Variants in KCNK2 observed in about 807,000 individuals in gnomAD.
The protein encoded by KCNK2 is potassium channel subfamily K member 2.
Under a neutral mutation model 40.5 loss-of-function variants are expected in KCNK2, and 21 were observed. The observed-to-expected ratio is 0.52, with a 90% CI of 0.37 to 0.75. The LOEUF is 0.75. Among genes scored for constraint, KCNK2 ranks in the 30% least tolerant of loss-of-function variants. The pLI is 0.00. For synonymous variants in KCNK2, 191 were observed against 202.2 expected (o/e 0.94, Z 0.47); for missense variants, 399 against 531.6 (o/e 0.75, Z 2.45).
At chr1:215,054,596 A>G (rs1225063678) in intron 1 of KCNK2, among the ~76,000 whole-genome samples, 4 of 152,222 alleles carry the variant, frequency 2.6e-5, no homozygotes, top group African/African-American at 7.2e-5. Context: ...GAAAGCACCA[A>G]CCGTGAGTTA....
chr1:215,169,894 T>C (rs757348517), intron 4 of KCNK2, among the ~76,000 whole-genome samples: 7 of 152,090 alleles, frequency 4.6e-5, no homozygotes, highest in African/African-American at 7.2e-5. Context: ...GATCTGCCCA[T>C]CTTGGGCTCC....
intron 2 of KCNK2, among the ~76,000 whole-genome samples, chr1:215,104,274 G>A (rs1660340911): frequency 1.3e-5 from 2 of 151,948 alleles, no homozygotes; most frequent in African/African-American, 4.8e-5. Flanking sequence ...AACAAACACC[G>A]GATCTGTGAC....
At chr1:215,154,528 G>C (rs1235789986) in intron 3 of KCNK2, among the ~76,000 whole-genome samples, 1 of 151,960 alleles carries the variant, frequency 6.6e-6, no homozygotes, top group African/African-American at 2.4e-5. Context: ...CATTCTGTAG[G>C]TTGCTTGTTC....
rs1663151617 is a variant in KCNK2, at chr1:215,160,625, T to A, written c.476-8574T>A. Reference sequence around the variant, plus strand: ...TAGCTGGTAATGTTCATCATTCTCTTCTTTTTTAGCTTGCTCTTCCTGTGA... The same window carrying A: ...TAGCTGGTAATGTTCATCATTCTCTACTTTTTTAGCTTGCTCTTCCTGTGA... On this transcript the variant is annotated intron_variant, in intron 3 of 6. Coordinates refer to ENST00000444842, the MANE Select transcript of KCNK2 (RefSeq NM_001017425.3). 1.3e-5 allele frequency among the ~76,000 whole-genome samples: 2 copies of A among 152,186 alleles called. 1 individual carries two copies. Among genetic ancestry groups the A allele is most frequent in the South Asian group, 4.1e-4 (2 of 4,830 alleles).
intron 1 of KCNK2, among the ~76,000 whole-genome samples, chr1:215,057,770 A>T (rs570403032): frequency 6.6e-6 from 1 of 152,294 alleles, no homozygotes; most frequent in East Asian, 1.9e-4. Flanking sequence ...CTTCAGAGTC[A>T]GACAGACCTG....
chr1:215,142,394 A>G (rs1214790143), intron 3 of KCNK2, among the ~76,000 whole-genome samples: 1 of 152,152 alleles, frequency 6.6e-6, no homozygotes, highest in Non-Finnish European at 1.5e-5. Context: ...TAGAAGTATT[A>G]TATTAAAATA....
At chr1:215,079,503 G>T (rs372302314), upstream of KCNK2, among the ~76,000 whole-genome samples, 6 of 152,300 alleles carry the variant, frequency 3.9e-5, no homozygotes, top group East Asian at 1.2e-3. Flanking sequence ...AGTTACTGCA[G>T]ATATTAAAAG....
intron 3 of KCNK2, among the ~76,000 whole-genome samples, chr1:215,161,693 C>G (rs1663203763): frequency 6.6e-6 from 1 of 151,984 alleles, no homozygotes; most frequent in Admixed American, 6.6e-5. Flanking sequence ...TTTTCTGTTC[C>G]TGTGTTGCTT....
chr1:215,063,003 G>A (rs1349577572), intron 1 of KCNK2, among the ~76,000 whole-genome samples: 2 of 152,160 alleles, frequency 1.3e-5, no homozygotes, highest in African/African-American at 2.4e-5. Context: ...TTCCAGAAAG[G>A]TTCCTGTGAG....
chr1:215,111,600 G>C (rs892500721), intron 2 of KCNK2, among the ~76,000 whole-genome samples: 1 of 151,462 alleles, frequency 6.6e-6, no homozygotes, highest in Non-Finnish European at 1.5e-5. Flanking sequence ...ATTTCTGTTG[G>C]GTTCTTGTTT....
chr1:215,044,997 C>T (rs970622252), intron 1 of KCNK2, among the ~76,000 whole-genome samples: 1 of 115,916 alleles, frequency 8.6e-6, no homozygotes, highest in Non-Finnish European at 1.8e-5. Flanking sequence ...GGTGAAACCG[C>T]GTCTCTACTA....
intron 3 of KCNK2, among the ~76,000 whole-genome samples, chr1:215,163,378 G>A (rs1663295178): frequency 6.6e-6 from 1 of 152,046 alleles, no homozygotes; most frequent in African/African-American, 2.4e-5. Flanking sequence ...AGGCAATTTG[G>A]CTTCCTCTTT....
At chr1:215,208,293 G>A (rs1400849874) in intron 6 of KCNK2, among the ~76,000 whole-genome samples, 1 of 152,082 alleles carries the variant, frequency 6.6e-6, no homozygotes, top group African/African-American at 2.4e-5. Flanking sequence ...CACTTATAAT[G>A]GGAGCTAACT....
intron 4 of KCNK2, among the ~76,000 whole-genome samples, chr1:215,171,568 G>A (rs1338938473): frequency 6.6e-6 from 1 of 152,044 alleles, no homozygotes; most frequent in East Asian, 1.9e-4. Context: ...ATTTTCATAT[G>A]GTTCTGGATT....
At chr1:215,055,761 G>A (rs1224464030) in intron 1 of KCNK2, among the ~76,000 whole-genome samples, 1 of 152,230 alleles carries the variant, frequency 6.6e-6, no homozygotes, top group Non-Finnish European at 1.5e-5. Flanking sequence ...GCAGAGGAAT[G>A]CTTGGCACCT....
At chr1:215,121,325 T>G (rs970644304) in intron 2 of KCNK2, among the ~76,000 whole-genome samples, 2 of 152,186 alleles carry the variant, frequency 1.3e-5, no homozygotes, top group African/African-American at 4.8e-5. Context: ...TTTTGCTCTG[T>G]CACCCAGGCT....
At chr1:215,232,810 G>A (rs1218530535) in intron 6 of KCNK2, among the ~76,000 whole-genome samples, 1 of 152,196 alleles carries the variant, frequency 6.6e-6, no homozygotes, top group Non-Finnish European at 1.5e-5. Context: ...TAAGAGGCTG[G>A]TGGTAACCAA....
chr1:215,179,688 A>G (rs550528562), intron 5 of KCNK2, among the ~76,000 whole-genome samples: 58 of 152,180 alleles, frequency 3.8e-4, no homozygotes, highest in African/African-American at 1.3e-3. Flanking sequence ...TCTTCTTGGT[A>G]TTGACTTCTA....
At chr1:215,227,283 A>G (rs1185292611) in intron 6 of KCNK2, among the ~76,000 whole-genome samples, 3 of 152,188 alleles carry the variant, frequency 2.0e-5, no homozygotes, top group African/African-American at 7.2e-5. Flanking sequence ...CTAGCAAATG[A>G]TTCTAATGTA....
Sources: allele counts gnomAD v4.1 joint callset (sites outside exome capture counted in the v4.1 genomes callset), GRCh38; gene constraint gnomAD v4.1.1; transcripts MANE v1.5; gene names NCBI Gene and HGNC (gene_info 2026-07-23, HGNC 2026-07-21).